PKNOX2: variants seen among roughly 807,000 people sequenced by gnomAD.
The protein encoded by PKNOX2 is PBX/knotted 1 homeobox 2.
In PKNOX2, 14 loss-of-function variants were observed where a neutral mutation model predicts 53.1. The ratio of observed to expected loss-of-function variants is 0.26; its 90% CI spans 0.17 to 0.41. The LOEUF is 0.41. PKNOX2 is among the 10% of genes least tolerant of loss of function. The pLI is 1.00. For missense variants in PKNOX2, 496 were observed against 602.8 expected (o/e 0.82, Z 1.85); for synonymous variants, 257 against 242.8 (o/e 1.06, Z -0.54).
chr11:125,297,259 T>G (rs958225478), intron 2 of PKNOX2, among the ~76,000 whole-genome samples: 3 of 152,238 alleles, frequency 2.0e-5, no homozygotes, highest in African/African-American at 7.2e-5. Flanking sequence ...TGGAGGCAGA[T>G]AGCAGGGAGT....
intron 2 of PKNOX2, among the ~76,000 whole-genome samples, chr11:125,268,985 G>T (rs1426921359): frequency 6.6e-6 from 1 of 152,024 alleles, no homozygotes; most frequent in African/African-American, 2.4e-5. Context: ...AGGGCAGGGG[G>T]GCTGCTGTTC....
chr11:125,195,883 G>GCACGTA (rs1190771243), intron 1 of PKNOX2, among the ~76,000 whole-genome samples: 1,603 of 143,912 alleles, frequency 0.011, 28 homozygotes, highest in African/African-American at 0.038. Context: ...ATATGTACAT[G>GCACGTA]CACACACACA....
chr11:125,260,487 A>T (rs1944765746), intron 2 of PKNOX2, among the ~76,000 whole-genome samples: 1 of 152,114 alleles, frequency 6.6e-6, no homozygotes, highest in African/African-American at 2.4e-5. Context: ...GTGAGCCACC[A>T]TGCCCAGCCT....
At chr11:125,221,164 A>T (rs1941112098) in intron 1 of PKNOX2, among the ~76,000 whole-genome samples, 1 of 145,250 alleles carries the variant, frequency 6.9e-6, no homozygotes. Flanking sequence ...AAAAAAAAAC[A>T]AAACAAAAAT....
At position 125,410,229 on chromosome 11, in the gene PKNOX2, G is replaced by A. The variant is rs572689602; in HGVS notation, c.622G>A (p.Gly208Arg). The change falls in exon 8 of 13, where the codon GGA becomes AGA. Residue 208 changes from glycine to arginine, a missense_variant. Coordinates refer to ENST00000298282, the MANE Select transcript of PKNOX2 (RefSeq NM_001382323.2). ...GCAGAATTCCCCCAATTCCATGTCC[G>A]GAGTCTCCAATAACCCCCAGGGGAT... ...LLQNSPNSMSGVSNNPQGIVV... is the reference protein window; with the variant it reads ...LLQNSPNSMSRVSNNPQGIVV... 38 of 1,614,010 alleles carry A rather than the reference G, an allele frequency of 2.4e-5. No homozygotes were observed. The highest frequency in any genetic ancestry group is 1.1e-4 in the South Asian group (10 of 91,068).
At chr11:125,391,085 C>T (rs1362442390) in intron 6 of PKNOX2, among the ~76,000 whole-genome samples, 1 of 152,112 alleles carries the variant, frequency 6.6e-6, no homozygotes, top group Non-Finnish European at 1.5e-5. Flanking sequence ...TTCTTCTGTC[C>T]GTGAGGGAGA....
chr11:125,248,504 G>C (rs751251123), intron 2 of PKNOX2, among the ~76,000 whole-genome samples: 1 of 151,856 alleles, frequency 6.6e-6, no homozygotes, highest in Non-Finnish European at 1.5e-5. Flanking sequence ...ATTTTACTTA[G>C]ATTTCTATTT....
intron 2 of PKNOX2, among the ~76,000 whole-genome samples, chr11:125,326,074 G>T (rs530180528): frequency 1.3e-5 from 2 of 152,254 alleles, no homozygotes; most frequent in South Asian, 2.1e-4. Flanking sequence ...TGATCTCCAT[G>T]GGTACAGTAC....
chr11:125,381,206 T>C (rs919401845), intron 5 of PKNOX2, among the ~76,000 whole-genome samples: 4 of 152,156 alleles, frequency 2.6e-5, no homozygotes, highest in Non-Finnish European at 5.9e-5. Context: ...CAGGAAAAGC[T>C]GTGGGTGATC....
intron 1 of PKNOX2, among the ~76,000 whole-genome samples, chr11:125,197,498 A>G (rs1188587555): frequency 6.6e-6 from 1 of 152,128 alleles, no homozygotes; most frequent in Non-Finnish European, 1.5e-5. Flanking sequence ...ATTCAGCCCA[A>G]GAGCTGCCTA....
At chr11:125,245,670 C>T (rs1025492607) in intron 2 of PKNOX2, among the ~76,000 whole-genome samples, 2 of 152,200 alleles carry the variant, frequency 1.3e-5, no homozygotes, top group African/African-American at 4.8e-5. Flanking sequence ...GCTCAGGCTG[C>T]TGCTGACTCA....
At chr11:125,301,864 C>T (rs1046423788) in intron 2 of PKNOX2, among the ~76,000 whole-genome samples, 2 of 152,152 alleles carry the variant, frequency 1.3e-5, no homozygotes, top group Non-Finnish European at 2.9e-5. Flanking sequence ...TAATTTAAGC[C>T]AGGGAAAGCG....
intron 2 of PKNOX2, among the ~76,000 whole-genome samples, chr11:125,285,599 C>T (rs2135876014): frequency 6.6e-6 from 1 of 152,286 alleles, no homozygotes; most frequent in African/African-American, 2.4e-5. Context: ...CCTATCATTC[C>T]TATTACTGTG....
chr11:125,338,838 G>T (rs933093341), intron 3 of PKNOX2, among the ~76,000 whole-genome samples: 1 of 152,236 alleles, frequency 6.6e-6, no homozygotes, highest in Non-Finnish European at 1.5e-5. Flanking sequence ...AGAGGGCAAA[G>T]TGAAGGCATG....
intron 2 of PKNOX2, among the ~76,000 whole-genome samples, chr11:125,261,832 G>C (rs990373085): frequency 5.3e-5 from 8 of 152,218 alleles, no homozygotes; most frequent in South Asian, 2.1e-4. Context: ...TTGTGAAAAA[G>C]GTGGTGTAAG....
chr11:125,176,677 G>A (rs1019033881), intron 1 of PKNOX2, among the ~76,000 whole-genome samples: 4 of 152,198 alleles, frequency 2.6e-5, no homozygotes, highest in African/African-American at 7.2e-5. Context: ...GCTGAGTTTT[G>A]TCCCTCCTGT....
chr11:125,234,857 A>T (rs1038301985), intron 1 of PKNOX2, among the ~76,000 whole-genome samples, 188 bp from the exon 2 acceptor site: 9 of 151,842 alleles, frequency 5.9e-5, no homozygotes, highest in Non-Finnish European at 1.2e-4. Context: ...TAGGTCTCTA[A>T]ACAATAATGG....
chr11:125,208,351 G>A (rs1488121960), intron 1 of PKNOX2, among the ~76,000 whole-genome samples: 1 of 152,046 alleles, frequency 6.6e-6, no homozygotes, highest in Non-Finnish European at 1.5e-5. Flanking sequence ...CCATGTCTTG[G>A]GAGGTTTTCT....
intron 1 of PKNOX2, among the ~76,000 whole-genome samples, chr11:125,178,949 T>C (rs80139959): frequency 1.3e-5 from 2 of 152,016 alleles, no homozygotes; most frequent in Non-Finnish European, 2.9e-5. Context: ...TGAAAGGAGA[T>C]AGCCCGTGTA....
Sources: allele counts gnomAD v4.1 joint callset (sites outside exome capture counted in the v4.1 genomes callset), GRCh38; gene constraint gnomAD v4.1.1; transcripts MANE v1.5; gene names NCBI Gene and HGNC (gene_info 2026-07-23, HGNC 2026-07-21).